Variants in GRM1 observed in about 807,000 individuals in gnomAD.
GRM1 encodes glutamate metabotropic receptor 1.
A neutral mutation model predicts 90.9 loss-of-function variants in GRM1; 33 were observed. The observed-to-expected ratio is 0.36, with a 90% CI of 0.28 to 0.49. GRM1 has a LOEUF of 0.49. Ranked by LOEUF, GRM1 falls within the 20% of genes least tolerant of loss-of-function variation. The pLI is 0.99. For synonymous variants in GRM1, 700 were observed against 613.2 expected, an observed-to-expected ratio of 1.14 and a Z score of -2.09; for missense variants, 1,190 against 1,534.3, an observed-to-expected ratio of 0.78 and a Z score of 3.75.
At chr6:146,237,494 A>AATT (rs1780693914) in intron 2 of GRM1, among the ~76,000 whole-genome samples, 1 of 152,112 alleles carries the variant, frequency 6.6e-6, no homozygotes, top group African/African-American at 2.4e-5. Flanking sequence ...TTTTACAAAT[A>AATT]GTTATTTGTA....
In GRM1 at chr6:146,092,046, C is replaced by T. The variant is rs140806081; in HGVS notation, c.700+61829C>T. On this transcript the variant is annotated intron_variant, in intron 1 of 7. Coordinates refer to ENST00000282753, the MANE Select transcript of GRM1 (RefSeq NM_001278064.2). ...AGACATGCTTCACTTTCCCATTCCC[C>T]GAATGTCTTCATTGTTTTGGCTGCT... is the stretch of plus-strand genomic sequence containing the variant. Among the ~76,000 whole-genome samples, 10 of 152,148 alleles carry T rather than the reference C, an allele frequency of 6.6e-5. No homozygotes were observed. In the East Asian group the frequency reaches 7.7e-4, roughly 12 times the overall value.
intron 5 of GRM1, among the ~76,000 whole-genome samples, chr6:146,366,516 C>T (rs9322056): frequency 0.04 from 6,073 of 152,204 alleles, 391 homozygotes; most frequent in African/African-American, 0.14. Context: ...CCTTCCCAGC[C>T]TCAGGTAATC....
chr6:146,136,216 A>T (rs888048995), intron 1 of GRM1, among the ~76,000 whole-genome samples: 4 of 152,186 alleles, frequency 2.6e-5, no homozygotes, highest in Admixed American at 2.0e-4. Flanking sequence ...AATCTTAGTC[A>T]TGGTAAATAG....
At chr6:146,190,538 GCT>G (rs955829640) in intron 2 of GRM1, among the ~76,000 whole-genome samples, 2 of 152,142 alleles carry the variant, frequency 1.3e-5, no homozygotes, top group African/African-American at 2.4e-5. Context: ...AGGAGGAGCA[GCT>G]CTCTCAAAAC....
chr6:146,425,921 G>T (rs75886640), intron 7 of GRM1, among the ~76,000 whole-genome samples: 88 of 152,294 alleles, frequency 5.8e-4, no homozygotes, highest in African/African-American at 2.0e-3. Flanking sequence ...TGCCAAAGGG[G>T]CACAGAAGCC....
At chr6:146,093,153 A>C (rs1776765960) in intron 1 of GRM1, among the ~76,000 whole-genome samples, 1 of 152,112 alleles carries the variant, frequency 6.6e-6, no homozygotes, top group Non-Finnish European at 1.5e-5. Context: ...CATACCAATA[A>C]ATATTCAGAA....
chr6:146,096,171 A>G (rs1216561049), intron 1 of GRM1, among the ~76,000 whole-genome samples: 1 of 152,110 alleles, frequency 6.6e-6, no homozygotes, highest in Non-Finnish European at 1.5e-5. Context: ...AAACAGATTT[A>G]TGGAGATATA....
At chr6:146,060,455 G>A (rs1405339933) in intron 1 of GRM1, among the ~76,000 whole-genome samples, 2 of 152,060 alleles carry the variant, frequency 1.3e-5, no homozygotes, top group Admixed American at 1.3e-4. Flanking sequence ...TTGTATCCCT[G>A]TGTACTCAAT....
At chr6:146,034,743 T>G (rs1790823456) in intron 1 of GRM1, among the ~76,000 whole-genome samples, 1 of 151,984 alleles carries the variant, frequency 6.6e-6, no homozygotes, top group Admixed American at 6.6e-5. Context: ...ACTCAGCCTA[T>G]TATGAATTTC....
chr6:146,428,271 G>A (rs1778286493), intron 7 of GRM1, among the ~76,000 whole-genome samples: 1 of 152,124 alleles, frequency 6.6e-6, no homozygotes, highest in African/African-American at 2.4e-5. Context: ...AGTTCCCACT[G>A]TTTTTGTGAA....
intron 1 of GRM1, among the ~76,000 whole-genome samples, chr6:146,045,094 A>G (rs753172661): frequency 3.3e-4 from 50 of 151,996 alleles, no homozygotes; most frequent in Non-Finnish European, 3.7e-4. Context: ...TGTATTGTAG[A>G]TGCTTTCCCA....
intron 2 of GRM1, among the ~76,000 whole-genome samples, chr6:146,276,123 T>A (rs1782352312): frequency 6.6e-6 from 1 of 152,192 alleles, no homozygotes. Context: ...ATTATTTAAG[T>A]AACACAGTCA....
intron 2 of GRM1, among the ~76,000 whole-genome samples, chr6:146,224,653 A>T (rs973234895): frequency 1.3e-5 from 2 of 152,146 alleles, no homozygotes; most frequent in African/African-American, 4.8e-5. Context: ...TGTAATAGTA[A>T]GCAACTTTGT....
chr6:146,384,077 G>T (rs917863309), intron 5 of GRM1, among the ~76,000 whole-genome samples: 1 of 152,056 alleles, frequency 6.6e-6, no homozygotes, highest in Admixed American at 6.6e-5. Context: ...AAAACAAATG[G>T]AGCTTGGCCA....
chr6:146,297,943 T>C (rs568787124), intron 2 of GRM1, among the ~76,000 whole-genome samples: 4 of 152,180 alleles, frequency 2.6e-5, no homozygotes, highest in African/African-American at 9.7e-5. Flanking sequence ...TGCAAATTAC[T>C]GAAAACATAC....
intron 3 of GRM1, among the ~76,000 whole-genome samples, chr6:146,339,844 G>A (rs1197709162): frequency 1.3e-5 from 2 of 152,150 alleles, no homozygotes; most frequent in African/African-American, 2.4e-5. Context: ...CATAAGCTAC[G>A]TTGGGCTTCT....
chr6:146,117,956 C>T (rs1423511812), intron 1 of GRM1, among the ~76,000 whole-genome samples: 1 of 151,972 alleles, frequency 6.6e-6, no homozygotes, highest in Non-Finnish European at 1.5e-5. Context: ...ACATATTACA[C>T]AACTTGCTTA....
chr6:146,380,237 T>C (rs1776269309), intron 5 of GRM1, among the ~76,000 whole-genome samples: 2 of 152,124 alleles, frequency 1.3e-5, no homozygotes, highest in Admixed American at 6.6e-5. Context: ...AAGTTCCATC[T>C]GGGAGTCAAA....
intron 2 of GRM1, among the ~76,000 whole-genome samples, chr6:146,225,141 G>A (rs1012542923): frequency 2.0e-5 from 3 of 152,208 alleles, no homozygotes; most frequent in African/African-American, 4.8e-5. Flanking sequence ...TTGTATGACC[G>A]ATATCTGGTC....
Sources: gnomAD v4.1 joint callset for allele counts (sites outside exome capture counted in the v4.1 genomes callset) on GRCh38, gnomAD v4.1.1 for gene constraint, MANE v1.5 for transcripts, NCBI Gene and HGNC (gene_info 2026-07-23, HGNC 2026-07-21) for gene names.